Variants in LMOD1 observed in about 807,000 individuals in gnomAD.
LMOD1 encodes leiomodin-1.
In LMOD1, 8 loss-of-function variants were observed where a neutral mutation model predicts 36.5. The observed-to-expected ratio is 0.22, with a 90% CI of 0.13 to 0.40. The LOEUF (loss-of-function observed/expected upper bound fraction) is 0.40. Among genes scored for constraint, LMOD1 ranks in the 10% least tolerant of loss-of-function variants. LMOD1 has a pLI of 1.00. For missense variants in LMOD1, 630 were observed against 751.1 expected (o/e 0.84, Z 1.88); for synonymous variants, 284 against 288.7 (o/e 0.98, Z 0.17).
In LMOD1 at chr1:201,946,297, G is replaced by A; in HGVS notation, c.44C>T (p.Pro15Leu). ...AKYRRQVSED[P>L]DIDSLLETLS... ...GGTCTCCAGCAGGCTGTCGATGTCG[G>A]GGTCTTCACTCACCTGCCGGCGATA... Residue 15 changes from proline (P) to leucine (L), a missense_variant, in exon 1 of 3, where the codon CCC becomes CTC. Transcript: ENST00000367288. The A allele has an allele frequency of 6.2e-7, 1 of 1,613,994 alleles. No homozygotes were observed. The highest frequency in any genetic ancestry group is 1.1e-5 in the South Asian group (1 of 91,072).
At chr1:201,920,974 C>T (rs570565571) in intron 1 of LMOD1, among the ~76,000 whole-genome samples, 1 of 152,270 alleles carries the variant, frequency 6.6e-6, no homozygotes, top group South Asian at 2.1e-4. Context: ...AGTGGAGATG[C>T]ATTCCATGGA....
At chr1:201,912,958 A>G (rs1681539470) in intron 1 of LMOD1, among the ~76,000 whole-genome samples, 1 of 152,138 alleles carries the variant, frequency 6.6e-6, no homozygotes, top group African/African-American at 2.4e-5. Flanking sequence ...AAGGCCTGCA[A>G]ACTTGAGGAT....
intron 1 of LMOD1, 62 bp downstream of exon 1, chr1:201,946,018 G>A: frequency 6.5e-7 from 1 of 1,529,948 alleles, no homozygotes. Context: ...TCCTAATCAT[G>A]AAGCCAGGGT....
At chr1:201,920,597 G>C (rs1232718229) in intron 1 of LMOD1, among the ~76,000 whole-genome samples, 1 of 152,302 alleles carries the variant, frequency 6.6e-6, no homozygotes, top group East Asian at 1.9e-4. Flanking sequence ...ATTAGGAGGT[G>C]GGTCTGGATA....
chr1:201,930,418 C>T (rs1352638938), intron 1 of LMOD1, among the ~76,000 whole-genome samples: 1 of 152,194 alleles, frequency 6.6e-6, no homozygotes, highest in East Asian at 1.9e-4. Flanking sequence ...ACAACAGGAT[C>T]CTATCACTAG....
chr1:201,918,981 C>T (rs1681653529), intron 1 of LMOD1, among the ~76,000 whole-genome samples: 1 of 151,852 alleles, frequency 6.6e-6, no homozygotes, highest in Admixed American at 6.6e-5. Flanking sequence ...TAACCTCAAA[C>T]TCCTGGGCTC....
intron 1 of LMOD1, among the ~76,000 whole-genome samples, chr1:201,923,105 G>A (rs1466773604): frequency 6.6e-6 from 1 of 152,122 alleles, no homozygotes; most frequent in Non-Finnish European, 1.5e-5. Flanking sequence ...GATTACAGGC[G>A]TGAGCCACTG....
rs994943987 is a variant in LMOD1 at position 201,898,227 on chromosome 1, G to A, written c.*145C>T. 15 of 779,746 alleles carry A rather than the reference G, an allele frequency of 1.9e-5. No homozygotes were observed. Among genetic ancestry groups the A allele is most frequent in the East Asian group, 2.7e-5 (1 of 36,528 alleles). The allele number at this position is 779,746 out of a possible 1,614,324, so 48.3% of individuals were successfully genotyped here. A position where few individuals can be genotyped will look rare whatever the true frequency, so the allele number is the denominator to read the frequency against. On this transcript the variant is annotated 3_prime_UTR_variant, in exon 3 of 3. Coordinates refer to ENST00000367288, the MANE Select transcript of LMOD1 (RefSeq NM_012134.3). The stretch of plus-strand genomic sequence containing the variant: ...AGAGATAAGGCATCCTTCCTTGAGC[G>A]TGACCCAGGCCTGGACTCTCCCATG...
rs35430227 is a variant in LMOD1, at chr1:201,919,216, CT to C, written c.262-18466del. On this transcript the variant is annotated intron_variant, in intron 1 of 2. Transcript: ENST00000367288. ...AGTGTGTATCTCTAAAAGACAGAAA[CT>C]TTTTTTTTTTTGGGGGGTCAGAGCC... Among the ~76,000 whole-genome samples the C allele has an allele frequency of 8.0e-3, 1,157 of 144,228 alleles. 12 individuals are homozygous for C. The highest frequency in any genetic ancestry group is 0.013 in the African/African-American group (521 of 39,286). 94.6% of individuals were successfully genotyped at this position (144,228 alleles called of 152,430 possible).
chr1:201,898,369 G>A lies in LMOD1; in HGVS notation c.*3C>T, dbSNP rs1052531357. 6.2e-7 allele frequency: 1 copy of A among 1,612,614 alleles called. No individual in the cohort carries two copies. The highest frequency in any genetic ancestry group is 1.3e-5 in the African/African-American group (1 of 74,882). On this transcript the variant is annotated 3_prime_UTR_variant, in exon 3 of 3. Transcript: ENST00000367288. Reference sequence around the variant, plus strand: ...TTGGCAGATGGTGCCTGGCAGCCTGGTCCTACTGAAGCAGTTTGGGCACTT... The same window carrying A: ...TTGGCAGATGGTGCCTGGCAGCCTGATCCTACTGAAGCAGTTTGGGCACTT...
At chr1:201,941,230 T>G (rs1682110445) in intron 1 of LMOD1, among the ~76,000 whole-genome samples, 1 of 152,150 alleles carries the variant, frequency 6.6e-6, no homozygotes, top group African/African-American at 2.4e-5. Flanking sequence ...GTGCTGAGAT[T>G]ACAGGTATTA....
chr1:201,907,947 A>G (rs1312996995), intron 1 of LMOD1, among the ~76,000 whole-genome samples: 1 of 152,164 alleles, frequency 6.6e-6, no homozygotes, highest in African/African-American at 2.4e-5. Flanking sequence ...AGTTCACATC[A>G]AAGTGTATGT....
At chr1:201,942,296 T>G (rs1477182589) in intron 1 of LMOD1, among the ~76,000 whole-genome samples, 1 of 152,186 alleles carries the variant, frequency 6.6e-6, no homozygotes, top group Non-Finnish European at 1.5e-5. Flanking sequence ...AAACAGATGA[T>G]TATACAAAAG....
At chr1:201,928,338 A>G (rs538570230) in intron 1 of LMOD1, among the ~76,000 whole-genome samples, 3 of 152,344 alleles carry the variant, frequency 2.0e-5, no homozygotes. Context: ...AGTTGCCTAC[A>G]AGGACCTAAT....
chr1:201,905,819 C>A (rs1681401422), intron 1 of LMOD1, among the ~76,000 whole-genome samples: 1 of 152,258 alleles, frequency 6.6e-6, no homozygotes, highest in Admixed American at 6.5e-5. Context: ...AGGTCACTTT[C>A]CAGGCACTCG....
intron 1 of LMOD1, among the ~76,000 whole-genome samples, chr1:201,939,760 CTG>C (rs56135181): frequency 0.74 from 110,726 of 149,176 alleles, 41,248 homozygotes; most frequent in East Asian, 0.86. Flanking sequence ...TCTGCTCCTG[CTG>C]TGTGTGTGTG....
chr1:201,945,015 A>G (rs1283142382), intron 1 of LMOD1, among the ~76,000 whole-genome samples: 1 of 152,226 alleles, frequency 6.6e-6, no homozygotes, highest in Non-Finnish European at 1.5e-5. Context: ...AAGAATTGAG[A>G]CTGATCTTTT....
intron 1 of LMOD1, among the ~76,000 whole-genome samples, chr1:201,928,773 T>C (rs1177725805): frequency 2.0e-5 from 3 of 152,196 alleles, no homozygotes; most frequent in Admixed American, 2.0e-4. Flanking sequence ...TGGAGTACAG[T>C]GGCGTGATCT....
At chr1:201,915,668 G>T (rs1473760105) in intron 1 of LMOD1, among the ~76,000 whole-genome samples, 1 of 152,106 alleles carries the variant, frequency 6.6e-6, no homozygotes, top group Non-Finnish European at 1.5e-5. Flanking sequence ...TTGGGGGAAG[G>T]CTGGGAAATC....
Sources: gnomAD v4.1 joint callset for allele counts (sites outside exome capture counted in the v4.1 genomes callset) on GRCh38, gnomAD v4.1.1 for gene constraint, MANE v1.5 for transcripts, NCBI Gene and HGNC (gene_info 2026-07-23, HGNC 2026-07-21) for gene names.